Variants in KCNC2 observed in about 807,000 individuals in gnomAD.
KCNC2 encodes the protein potassium voltage-gated channel subfamily C member 2.
KCNC2 carries 21 observed loss-of-function variants against 44.5 expected under a neutral mutation model. The ratio of observed to expected loss-of-function variants is 0.47; its 90% confidence interval spans 0.33 to 0.68. The LOEUF is 0.68. Among genes scored for constraint, KCNC2 ranks in the 30% least tolerant of loss-of-function variants. The pLI is 0.01. For missense variants in KCNC2, 589 were observed against 826.2 expected (o/e 0.71, Z 3.52); for synonymous variants, 391 against 339.1 (o/e 1.15, Z -1.68).
intron 2 of KCNC2, among the ~76,000 whole-genome samples, chr12:75,148,214 A>C (rs1890154700): frequency 6.6e-6 from 1 of 152,084 alleles, no homozygotes; most frequent in Non-Finnish European, 1.5e-5. Flanking sequence ...TGTCCTCCAA[A>C]GTATACAATC....
intron 2 of KCNC2, among the ~76,000 whole-genome samples, chr12:75,200,748 A>C (rs1049074130): frequency 1.3e-5 from 2 of 151,606 alleles, no homozygotes; most frequent in African/African-American, 4.9e-5. Flanking sequence ...AATGAACATT[A>C]TGAACAAAAT....
At chr12:75,148,506 C>T (rs1890174003) in intron 2 of KCNC2, among the ~76,000 whole-genome samples, 1 of 151,916 alleles carries the variant, frequency 6.6e-6, no homozygotes, top group Admixed American at 6.6e-5. Context: ...TTATGTCTTC[C>T]TATTTATTTT....
chr12:75,112,905 C>T (rs533815348), intron 2 of KCNC2, among the ~76,000 whole-genome samples: 4 of 152,136 alleles, frequency 2.6e-5, no homozygotes, highest in African/African-American at 4.8e-5. Context: ...CAATTGCCTA[C>T]GGTAGGCAAA....
At chr12:75,163,369 A>C (rs537935600) in intron 2 of KCNC2, among the ~76,000 whole-genome samples, 1 of 151,760 alleles carries the variant, frequency 6.6e-6, no homozygotes, top group East Asian at 1.9e-4. Context: ...TGGAGAATAA[A>C]TAAAATTGTT....
At chr12:75,194,745 A>G (rs1052763491) in intron 2 of KCNC2, among the ~76,000 whole-genome samples, 5 of 152,192 alleles carry the variant, frequency 3.3e-5, no homozygotes, top group Non-Finnish European at 7.4e-5. Context: ...GTGGAGTTGT[A>G]AGGAAAATGA....
At chr12:75,102,246 G>A (rs549561924) in intron 2 of KCNC2, among the ~76,000 whole-genome samples, 5 of 152,124 alleles carry the variant, frequency 3.3e-5, no homozygotes, top group Non-Finnish European at 7.4e-5. Context: ...AGAATCAGGA[G>A]AGAAGGAAAA....
At chr12:75,166,986 CA>C in intron 2 of KCNC2, among the ~76,000 whole-genome samples, 1 of 151,132 alleles carries the variant, frequency 6.6e-6, no homozygotes, top group East Asian at 2.0e-4. Flanking sequence ...AGAAAATCAA[CA>C]AAACCAAAAT....
chr12:75,053,149 T>A (rs547293289), intron 2 of KCNC2, among the ~76,000 whole-genome samples: 1 of 152,158 alleles, frequency 6.6e-6, no homozygotes, highest in Non-Finnish European at 1.5e-5. Context: ...CCTCTATTCA[T>A]AAATTACTTC....
At chr12:75,116,686 G>A (rs1887682302) in intron 2 of KCNC2, among the ~76,000 whole-genome samples, 1 of 152,014 alleles carries the variant, frequency 6.6e-6, no homozygotes, top group African/African-American at 2.4e-5. Flanking sequence ...AGAACAAAAG[G>A]GTCACATAGG....
intron 2 of KCNC2, among the ~76,000 whole-genome samples, chr12:75,133,306 G>A (rs1279813062): frequency 6.6e-6 from 1 of 151,664 alleles, no homozygotes; most frequent in African/African-American, 2.4e-5. Context: ...CAAAAAAGAT[G>A]ATAAAATATT....
intron 2 of KCNC2, among the ~76,000 whole-genome samples, chr12:75,161,741 A>T (rs1350517): frequency 0.2 from 29,952 of 151,606 alleles, 3,288 homozygotes; most frequent in African/African-American, 0.27. Context: ...GTCATGCAAC[A>T]CTGCTTTTAA....
At chr12:75,085,793 A>G (rs929603709) in intron 2 of KCNC2, among the ~76,000 whole-genome samples, 1 of 152,036 alleles carries the variant, frequency 6.6e-6, no homozygotes, top group Non-Finnish European at 1.5e-5. Flanking sequence ...GATTATGTTT[A>G]CTTTCCTAGT....
intron 2 of KCNC2, among the ~76,000 whole-genome samples, chr12:75,107,270 A>G (rs749359193): frequency 6.6e-6 from 1 of 152,052 alleles, no homozygotes; most frequent in African/African-American, 2.4e-5. Flanking sequence ...CGCCACTGCA[A>G]TCCAGCCTGG....
chr12:75,042,527 A>G lies in KCNC2; in HGVS notation c.*578T>C, dbSNP rs557667531. 4 of 1,423,330 alleles carry G rather than the reference A, an allele frequency of 2.8e-6. No homozygotes were observed. The highest frequency in any genetic ancestry group is 1.6e-5 in the South Asian group (1 of 64,082). The allele number at this position is 1,423,330 out of a possible 1,614,324, so 88.2% of individuals were successfully genotyped here. On this transcript the variant is annotated 3_prime_UTR_variant, in exon 5 of 5. Coordinates refer to ENST00000549446, the MANE Select transcript of KCNC2 (RefSeq NM_139137.4). Reference sequence around the variant, plus strand: ...AGAAAAGTGCCCTCCCTGCCCCACAATTCAACATGCAGAACAGTCGACCAA... The same window carrying G: ...AGAAAAGTGCCCTCCCTGCCCCACAGTTCAACATGCAGAACAGTCGACCAA...
In KCNC2 at chr12:75,207,289, G is replaced by T. The variant is rs1161587866; in HGVS notation, c.687+8C>A. 1.3e-6 allele frequency: 2 copies of T among 1,531,070 alleles called. No homozygotes were observed. The highest frequency in any genetic ancestry group is 4.8e-5 in the East Asian group (2 of 41,248). The allele number at this position is 1,531,070 out of a possible 1,614,324, so 94.8% of individuals were successfully genotyped here. A position where few individuals can be genotyped will look rare whatever the true frequency, so the allele number is the denominator to read the frequency against. ...AAGCAGCAGGGAAGGGGTCGATTCTGGCCTTACCCTGGCGGCTCTGGACGA... is the reference window on the plus strand; with the variant it reads ...AAGCAGCAGGGAAGGGGTCGATTCTTGCCTTACCCTGGCGGCTCTGGACGA... On this transcript the variant is annotated splice_region_variant and intron_variant, in intron 2 of 4. Transcript: ENST00000549446. The surrounding 1 kb of genome is among the most constrained non-coding windows in gnomAD (Gnocchi z 4.1).
At chr12:75,152,419 A>G (rs926693145) in intron 2 of KCNC2, among the ~76,000 whole-genome samples, 6 of 151,934 alleles carry the variant, frequency 3.9e-5, no homozygotes, top group African/African-American at 1.4e-4. Flanking sequence ...TTACTGAGAG[A>G]AAATAATTGT....
At chr12:75,168,700 T>C (rs1891618163) in intron 2 of KCNC2, among the ~76,000 whole-genome samples, 1 of 151,572 alleles carries the variant, frequency 6.6e-6, no homozygotes, top group South Asian at 2.1e-4. Flanking sequence ...TGTTTTTAAA[T>C]TTATTTCTTT....
intron 2 of KCNC2, among the ~76,000 whole-genome samples, chr12:75,134,580 AC>A (rs1889095842): frequency 6.6e-6 from 1 of 151,508 alleles, no homozygotes; most frequent in East Asian, 1.9e-4. Context: ...CCACAGACCT[AC>A]CAAAAAAAAA....
intron 2 of KCNC2, among the ~76,000 whole-genome samples, chr12:75,147,538 C>G (rs1890109752): frequency 6.6e-6 from 1 of 152,092 alleles, no homozygotes; most frequent in Non-Finnish European, 1.5e-5. Flanking sequence ...CAAATAAAAA[C>G]TATAGTCATC....
Sources: gnomAD v4.1 joint callset for allele counts (sites outside exome capture counted in the v4.1 genomes callset) on GRCh38, gnomAD v4.1.1 for gene constraint, Gnocchi (gnomAD v3.1) non-coding constraint, MANE v1.5 for transcripts, NCBI Gene and HGNC (gene_info 2026-07-23, HGNC 2026-07-21) for gene names.